Variants in NAT1 observed in about 807,000 individuals in gnomAD.
NAT1 encodes the protein arylamine N-acetyltransferase 1.
For synonymous variants in NAT1, 144 were observed against 122.6 expected (o/e 1.17, Z -1.16); for missense variants, 400 against 339.2 (o/e 1.18, Z -1.41).
Position 18,222,368 on chromosome 8 carries a change from C to T in NAT1, c.321C>T (p.His107=), listed in dbSNP as rs755240678. ...PAKKYSTGMI[H]LLLQVTIDGR... is the part of the protein sequence containing the mutation. Reference sequence around the variant, plus strand: ...AAAAATACAGCACTGGCATGATTCACCTTCTCCTGCAGGTGACCATTGATG... The same window carrying T: ...AAAAATACAGCACTGGCATGATTCATCTTCTCCTGCAGGTGACCATTGATG... The change falls in exon 3 of 3, where the codon CAC becomes CAT. Residue 107 remains histidine, a synonymous_variant. Transcript: ENST00000307719. The T allele has an allele frequency of 3.4e-5, 55 of 1,613,968 alleles. No individual in the cohort carries two copies. In the South Asian group the frequency reaches 4.7e-4, roughly 14 times the overall value.
At position 18,203,776 on chromosome 8, in the gene NAT1, G is replaced by C. The variant is rs559581356; in HGVS notation, n.93-6005G>C. ...AGAAATTACTTAGGCAGATAGTAAG[G>C]GTATGGGAGTCCTAGGTAAGGATTT... On this transcript the variant is annotated intron_variant and non_coding_transcript_variant, in intron 2 of 4. Coordinates refer to the NAT1 transcript ENST00000517441. Among the ~76,000 whole-genome samples the C allele has an allele frequency of 2.0e-5, 3 of 152,306 alleles. No homozygotes were observed. In the East Asian group the frequency reaches 5.8e-4, roughly 29 times the overall value.
At position 18,223,097 on chromosome 8, in the gene NAT1, C is replaced by A; in HGVS notation, c.*177C>A. The A allele has an allele frequency of 3.4e-6, 1 of 297,720 alleles. No homozygotes were observed. Among genetic ancestry groups the A allele is most frequent in the Non-Finnish European group, 6.3e-6 (1 of 157,782 alleles). The allele number at this position is 297,720 out of a possible 1,614,324, so 18.4% of individuals were successfully genotyped here. On this transcript the variant is annotated 3_prime_UTR_variant, in exon 3 of 3. Coordinates refer to ENST00000307719, the MANE Select transcript of NAT1 (RefSeq NM_000662.8). ...TAAACAGCTTTTTAAAGAAACATAA[C>A]CACAAACCTTTTCAAATAATAATAA...
At position 18,190,832 on chromosome 8, in the gene NAT1, C is replaced by T. The variant is rs543602361; in HGVS notation, n.93-18949C>T. Among the ~76,000 whole-genome samples, 21 of 152,086 alleles carry T rather than the reference C, an allele frequency of 1.4e-4. No individual in the cohort carries two copies. In the South Asian group the frequency reaches 2.7e-3, roughly 20 times the overall value. On this transcript the variant is annotated intron_variant and non_coding_transcript_variant, in intron 2 of 4. Transcript: ENST00000517441. ...CTGTAATCCCAGCGCTTTGGGAGGC[C>T]GAGGTGGGTGGATAACCTGAGATCA...
At chr8:18,216,749 T>G in intron 1 of NAT1, 1 of 573,168 alleles carries the variant, frequency 1.7e-6, no homozygotes, top group Non-Finnish European at 3.0e-6. Flanking sequence ...AAAGCAAAAT[T>G]TCGTAAGAGG....
chr8:18,182,048 C>G (rs1229280387), intron 2 of NAT1, among the ~76,000 whole-genome samples: 12 of 152,178 alleles, frequency 7.9e-5, no homozygotes, highest in Non-Finnish European at 5.9e-5. Context: ...TCTCTCTCCT[C>G]TCTATGGTGC....
Position 18,223,245 on chromosome 8 carries a change from T to C in NAT1, c.*325T>C, listed in dbSNP as rs182238333. On this transcript the variant is annotated 3_prime_UTR_variant, in exon 3 of 3. Coordinates refer to ENST00000307719, the MANE Select transcript of NAT1 (RefSeq NM_000662.8). ...TTCCTAGAAAAGTTTTATTGGTAGA[T>C]GAGTAAATAAAATATTGTAAAAAAA... 245 of 168,034 alleles carry C rather than the reference T, an allele frequency of 1.5e-3. No homozygotes were observed. Among genetic ancestry groups the C allele is most frequent in the Non-Finnish European group, 2.5e-3 (173 of 68,782 alleles). 10.4% of individuals were successfully genotyped at this position (168,034 alleles called of 1,614,324 possible). A position where few individuals can be genotyped will look rare whatever the true frequency, so the allele number is the denominator to read the frequency against.
chr8:18,221,987 C>A, intron 2 of NAT1, 55 bp from the exon 3 acceptor site: 1 of 1,536,132 alleles, frequency 6.5e-7, no homozygotes, highest in South Asian at 1.3e-5. Context: ...TTAGCCTACT[C>A]AAATCCAAGT....
chr8:18,215,158 G>A (rs994199224), intron 1 of NAT1, among the ~76,000 whole-genome samples: 2 of 152,164 alleles, frequency 1.3e-5, no homozygotes, highest in Non-Finnish European at 2.9e-5. Flanking sequence ...TTTCGTGGCT[G>A]CATAGTATTC....
At chr8:18,174,608 G>A (rs551714716) in intron 2 of NAT1, among the ~76,000 whole-genome samples, 4 of 152,072 alleles carry the variant, frequency 2.6e-5, no homozygotes, top group Non-Finnish European at 5.9e-5. Context: ...ATCCGGAGGA[G>A]TCCTCACGCC....
In NAT1 at chr8:18,222,931, A is replaced by G. The variant is rs55793712; in HGVS notation, c.*11A>G. 1 of 1,527,042 alleles carries G rather than the reference A, an allele frequency of 6.5e-7. No homozygotes were observed. The highest frequency in any genetic ancestry group is 1.4e-5 in the South Asian group (1 of 71,944). The allele number at this position is 1,527,042 out of a possible 1,614,324, so 94.6% of individuals were successfully genotyped here. On this transcript the variant is annotated 3_prime_UTR_variant, in exon 3 of 3. Transcript: ENST00000307719. Reference sequence around the variant, plus strand: ...TTTTTTACTATTTAGAATAAGGAGTAAAACAATCTTGTCTATTTGTCATCC... The same window carrying G: ...TTTTTTACTATTTAGAATAAGGAGTGAAACAATCTTGTCTATTTGTCATCC...
In NAT1 at chr8:18,222,472, A is replaced by T. The variant is rs1239138621; in HGVS notation, c.425A>T (p.Asp142Val). The T allele has an allele frequency of 1.2e-6, 2 of 1,613,974 alleles. No homozygotes were observed. Among genetic ancestry groups the T allele is most frequent in the Non-Finnish European group, 1.7e-6 (2 of 1,180,012 alleles). The part of the protein sequence containing the change: ...WQPLELISGK[D>V]QPQVPCVFRL... ...CCTCTGGAGTTAATTTCTGGGAAGG[A>T]TCAGCCTCAGGTGCCTTGTGTCTTC... Residue 142 changes from aspartate to valine, a missense_variant, in exon 3 of 3, where the codon GAT becomes GTT. Physicochemically the swap from Asp to Val is radical, Grantham distance 152. Transcript: ENST00000307719.
rs1212248879 is a variant in NAT1 at position 18,222,617 on chromosome 8, C to T, written c.570C>T (p.Tyr190=). The T allele has an allele frequency of 6.2e-7, 1 of 1,612,848 alleles. No homozygotes were observed. The highest frequency in any genetic ancestry group is 1.3e-5 in the African/African-American group (1 of 74,938). The change falls in exon 3 of 3, where the codon TAC becomes TAT. Residue 190 remains tyrosine, a synonymous_variant. Coordinates refer to ENST00000307719, the MANE Select transcript of NAT1 (RefSeq NM_000662.8). ...AAGACAGCAAATACCGAAAAATCTA[C>T]TCCTTTACTCTTAAGCCTCGAACAA... is the stretch of plus-strand genomic sequence containing the variant. ...LLEDSKYRKI[Y]SFTLKPRTIE...
intron 2 of NAT1, among the ~76,000 whole-genome samples, chr8:18,188,574 T>C (rs1802838109): frequency 6.6e-6 from 1 of 152,146 alleles, no homozygotes; most frequent in Non-Finnish European, 1.5e-5. Flanking sequence ...TGATTATACA[T>C]ATCTTTATTT....
chr8:18,190,819 C>A (rs748591688), intron 2 of NAT1, among the ~76,000 whole-genome samples: 2 of 152,220 alleles, frequency 1.3e-5, no homozygotes, highest in African/African-American at 2.4e-5. Context: ...GTAATCCCAG[C>A]GCTTTGGGAG....
intron 2 of NAT1, among the ~76,000 whole-genome samples, chr8:18,221,626 TA>T (rs1805307211): frequency 6.6e-6 from 1 of 152,142 alleles, no homozygotes; most frequent in Non-Finnish European, 1.5e-5. Flanking sequence ...AAGGCTCAGC[TA>T]AAAGGGAAAT....
At chr8:18,215,734 T>A (rs1804591541) in intron 1 of NAT1, among the ~76,000 whole-genome samples, 1 of 152,222 alleles carries the variant, frequency 6.6e-6, no homozygotes, top group South Asian at 2.1e-4. Context: ...TTGATTTTGT[T>A]AGTTCTCATC....
intron 2 of NAT1, among the ~76,000 whole-genome samples, chr8:18,190,221 C>T (rs1416728232): frequency 6.6e-6 from 1 of 152,222 alleles, no homozygotes; most frequent in Non-Finnish European, 1.5e-5. Flanking sequence ...AACTTGCCCA[C>T]ATTTACTATC....
chr8:18,201,976 A>C (rs1276649748), intron 2 of NAT1, among the ~76,000 whole-genome samples: 1 of 152,248 alleles, frequency 6.6e-6, no homozygotes, highest in East Asian at 1.9e-4. Flanking sequence ...ATCAGTTTCC[A>C]AAATACAACT....
intron 1 of NAT1, among the ~76,000 whole-genome samples, chr8:18,218,791 T>C (rs1193101786): frequency 6.6e-6 from 1 of 152,160 alleles, no homozygotes; most frequent in Non-Finnish European, 1.5e-5. Context: ...CTTTTCCCTT[T>C]GGCTAAATGA....
Sources: allele counts gnomAD v4.1 joint callset (sites outside exome capture counted in the v4.1 genomes callset), GRCh38; gene constraint gnomAD v4.1.1; transcripts MANE v1.5; gene names NCBI Gene and HGNC (gene_info 2026-07-23, HGNC 2026-07-21).